Variants in KAZN observed in about 807,000 individuals in gnomAD.
KAZN encodes kazrin, periplakin interacting protein.
Under a neutral mutation model 87.4 loss-of-function variants are expected in KAZN, and 40 were observed. That is an observed-to-expected ratio of 0.46 (90% CI 0.36 to 0.60). The LOEUF (loss-of-function observed/expected upper bound fraction) is 0.60, where lower values mean the gene tolerates loss of function less well. Ranked by LOEUF, KAZN falls within the 20% of genes least tolerant of loss-of-function variation. The pLI, the probability that KAZN is intolerant of heterozygous loss-of-function variation, is 0.00. For missense variants in KAZN, 898 were observed against 1,073.9 expected, an observed-to-expected ratio of 0.84 and a Z score of 2.29; for synonymous variants, 466 against 458.3, an observed-to-expected ratio of 1.02 and a Z score of -0.22.
At chr1:15,085,484 C>G (rs769358533) in intron 8 of KAZN, among the ~76,000 whole-genome samples, 13 of 152,152 alleles carry the variant, frequency 8.5e-5, no homozygotes, top group African/African-American at 3.1e-4. Flanking sequence ...TCTGCCACCA[C>G]GCCCAGCTAA....
chr1:14,205,327 G>A (rs1429930564), intron 2 of KAZN, among the ~76,000 whole-genome samples: 3 of 152,200 alleles, frequency 2.0e-5, no homozygotes, highest in Non-Finnish European at 2.9e-5. Flanking sequence ...GAATGATAAA[G>A]TAGAGCTTGA....
intron 1 of KAZN, among the ~76,000 whole-genome samples, chr1:13,912,282 C>T (rs780877368): frequency 5.9e-5 from 9 of 152,112 alleles, no homozygotes; most frequent in East Asian, 3.9e-4. Context: ...CTAATGAGTC[C>T]GCGGCAGTTC....
rs1008143989 is a variant in KAZN at position 14,474,312 on chromosome 1, A to T, written c.250-124671A>T. Among the ~76,000 whole-genome samples the T allele has an allele frequency of 3.2e-4, 49 of 152,228 alleles. 1 individual carries two copies. Among genetic ancestry groups the T allele is most frequent in the African/African-American group, 4.8e-5 (2 of 41,462 alleles). On this transcript the variant is annotated intron_variant, in intron 2 of 16. Coordinates refer to the KAZN transcript ENST00000636203. ...TAGGGGTAAACGTACTTTAAAAAAA[A>T]AAGTAGAACAGTGAACTGAAGACCA...
chr1:14,893,804 G>A (rs532518175), intron 1 of KAZN, among the ~76,000 whole-genome samples: 1 of 152,244 alleles, frequency 6.6e-6, no homozygotes, highest in South Asian at 2.1e-4. Context: ...CACAAGGGAG[G>A]CACCCTCTGA....
At chr1:14,479,789 G>T (rs904805797) in intron 2 of KAZN, among the ~76,000 whole-genome samples, 21 of 152,132 alleles carry the variant, frequency 1.4e-4, no homozygotes, top group African/African-American at 5.1e-4. Context: ...GACGTGGGAG[G>T]CGTTGCCAAA....
In KAZN at chr1:14,284,335, T is replaced by C. The variant is rs969284520; in HGVS notation, c.249+103743T>C. On this transcript the variant is annotated intron_variant, in intron 2 of 16. Coordinates refer to the KAZN transcript ENST00000636203. The stretch of plus-strand genomic sequence containing the variant: ...AGGAAAACGAAATGGAAGTGATGCA[T>C]GAGCTGGTTGCTGAGGACTAAGTGG... Among the ~76,000 whole-genome samples the C allele has an allele frequency of 2.6e-5, 4 of 152,126 alleles. No homozygotes were observed. The East Asian group carries it at 7.7e-4, about 29-fold the overall frequency.
At chr1:14,868,555 T>C (rs1028130251) in intron 1 of KAZN, among the ~76,000 whole-genome samples, 2 of 151,884 alleles carry the variant, frequency 1.3e-5, no homozygotes, top group Non-Finnish European at 2.9e-5. Flanking sequence ...TGTCTAACCA[T>C]TACCACTTTT....
At chr1:14,129,266 A>G (rs1432881449) in intron 1 of KAZN, among the ~76,000 whole-genome samples, 2 of 152,222 alleles carry the variant, frequency 1.3e-5, no homozygotes, top group Non-Finnish European at 2.9e-5. Flanking sequence ...CAGAAGCCGG[A>G]CACACTTTTG....
At chr1:14,915,740 T>A (rs910650945) in intron 1 of KAZN, among the ~76,000 whole-genome samples, 3 of 152,202 alleles carry the variant, frequency 2.0e-5, no homozygotes, top group Non-Finnish European at 4.4e-5. Flanking sequence ...TCCAGCCACA[T>A]CACCTTGGAT....
At chr1:15,037,199 C>A (rs1300438645) in intron 3 of KAZN, among the ~76,000 whole-genome samples, 1 of 152,230 alleles carries the variant, frequency 6.6e-6, no homozygotes, top group Non-Finnish European at 1.5e-5. Context: ...AGCCCCATGC[C>A]CAGCAGCAGG....
chr1:14,447,500 A>C (rs1667053391), intron 2 of KAZN, among the ~76,000 whole-genome samples: 1 of 152,006 alleles, frequency 6.6e-6, no homozygotes, highest in Admixed American at 6.6e-5. Context: ...TGGCCTCCCA[A>C]AGTGCTGGGA....
rs539260140 is a variant in KAZN at position 14,355,475 on chromosome 1, G to A, written c.249+174883G>A. Among the ~76,000 whole-genome samples the A allele has an allele frequency of 4.4e-4, 66 of 151,552 alleles. 1 individual carries two copies. The highest frequency in any genetic ancestry group is 1.5e-3 in the African/African-American group (60 of 41,316). Reference sequence around the variant, plus strand: ...AAGTTCTGAGATACATGTGCAGAACGTGCAGGTTTGTTACATAAGTATACA... The same window carrying A: ...AAGTTCTGAGATACATGTGCAGAACATGCAGGTTTGTTACATAAGTATACA... On this transcript the variant is annotated intron_variant, in intron 2 of 16. Coordinates refer to the KAZN transcript ENST00000636203.
rs537848335 is a variant in KAZN, at chr1:14,827,161, G to A, written c.227-133523G>A. On this transcript the variant is annotated intron_variant, in intron 1 of 14. Coordinates refer to ENST00000376030, the MANE Select transcript of KAZN (RefSeq NM_201628.3). ...CATCCATTGGCTAAGGTAACTTTCT[G>A]TCATGCAGGGACCCAACCCAGTAGT... 9.3e-4 allele frequency among the ~76,000 whole-genome samples: 141 copies of A among 152,272 alleles called. No homozygotes were observed. The Middle Eastern group carries it at 0.01, about 11-fold the overall frequency.
chr1:14,001,839 C>T (rs994426398), intron 1 of KAZN, among the ~76,000 whole-genome samples: 1 of 152,148 alleles, frequency 6.6e-6, no homozygotes, highest in Non-Finnish European at 1.5e-5. Context: ...ATACCTTATA[C>T]AAAAATTAAC....
At chr1:14,803,623 A>T (rs1018872077) in intron 1 of KAZN, among the ~76,000 whole-genome samples, 6 of 152,266 alleles carry the variant, frequency 3.9e-5, no homozygotes, top group South Asian at 2.1e-4. Context: ...CTCCAACAGA[A>T]ATTAGGCAGA....
chr1:14,112,017 C>T (rs1326981671), intron 1 of KAZN, among the ~76,000 whole-genome samples: 7 of 152,086 alleles, frequency 4.6e-5, no homozygotes, highest in African/African-American at 1.4e-4. Context: ...TGATTACAGA[C>T]GTGAGCCACC....
chr1:14,830,320 G>C (rs1350475268), intron 1 of KAZN, among the ~76,000 whole-genome samples: 1 of 152,170 alleles, frequency 6.6e-6, no homozygotes, highest in Admixed American at 6.5e-5. Flanking sequence ...CCCAGCAAAG[G>C]TCCTAGGAGA....
rs111850452 is a variant in KAZN at position 14,405,606 on chromosome 1, ATGTGTGTGTGTGTG to A, written c.250-193349_250-193336del. On this transcript the variant is annotated intron_variant, in intron 2 of 16. Transcript: ENST00000636203. ...CCTCCAGAAAAACAGACCCAATAAA[ATGTGTGTGTGTGTG>A]TGTGTGTGTGTGTGTGTGTGTGTGT... is the stretch of plus-strand genomic sequence containing the variant. Among the ~76,000 whole-genome samples, 258 of 136,318 alleles carry A rather than the reference ATGTGTGTGTGTGTG, an allele frequency of 1.9e-3. 2 individuals are homozygous for A. Among genetic ancestry groups the A allele is most frequent in the African/African-American group, 6.2e-3 (233 of 37,624 alleles). The allele number at this position is 136,318 out of a possible 152,430, so 89.4% of individuals were successfully genotyped here.
At chr1:14,313,963 A>G (rs1181058409) in intron 2 of KAZN, among the ~76,000 whole-genome samples, 4 of 152,184 alleles carry the variant, frequency 2.6e-5, no homozygotes, top group Non-Finnish European at 5.9e-5. Context: ...ATAAATTACA[A>G]TCATAATTGC....
Sources: gnomAD v4.1 joint callset for allele counts (sites outside exome capture counted in the v4.1 genomes callset) on GRCh38, gnomAD v4.1.1 for gene constraint, MANE v1.5 for transcripts, NCBI Gene and HGNC (gene_info 2026-07-23, HGNC 2026-07-21) for gene names.